Variants in PRKCE observed in about 807,000 individuals in gnomAD.
The protein encoded by PRKCE is protein kinase C epsilon, also known as protein kinase C epsilon type.
A neutral mutation model predicts 85.4 loss-of-function variants in PRKCE; 16 were observed. The ratio of observed to expected loss-of-function variants is 0.19; its 90% CI spans 0.13 to 0.28. The LOEUF (loss-of-function observed/expected upper bound fraction) is 0.28. Among genes scored for constraint, PRKCE ranks in the 10% least tolerant of loss-of-function variants. The pLI, the probability that PRKCE is intolerant of heterozygous loss-of-function variation, is 1.00. For missense variants in PRKCE, 573 were observed against 975.2 expected (o/e 0.59, Z 5.49); for synonymous variants, 388 against 371.5 (o/e 1.04, Z -0.51).
chr2:46,152,970 T>C (rs1267345058), intron 13 of PRKCE, among the ~76,000 whole-genome samples: 1 of 152,212 alleles, frequency 6.6e-6, no homozygotes, highest in South Asian at 2.1e-4. Flanking sequence ...CTGTAGTTTT[T>C]TTTTCCTCCT....
At chr2:45,709,356 A>C (rs1378621737) in intron 1 of PRKCE, among the ~76,000 whole-genome samples, 1 of 152,232 alleles carries the variant, frequency 6.6e-6, no homozygotes, top group Non-Finnish European at 1.5e-5. Flanking sequence ...GTGATGGAAG[A>C]TGCCCCAGTT....
chr2:45,818,063 G>A (rs1689227718), intron 1 of PRKCE, among the ~76,000 whole-genome samples: 1 of 152,200 alleles, frequency 6.6e-6, no homozygotes, highest in African/African-American at 2.4e-5. Flanking sequence ...TAGCACATTT[G>A]TGATTCTGTG....
At chr2:45,947,112 C>A (rs151300677) in intron 2 of PRKCE, among the ~76,000 whole-genome samples, 17 of 152,336 alleles carry the variant, frequency 1.1e-4, no homozygotes, top group African/African-American at 3.8e-4. Flanking sequence ...TGTGGTATAT[C>A]TGTGCAATCG....
chr2:45,738,524 G>A (rs556654169), intron 1 of PRKCE, among the ~76,000 whole-genome samples: 9 of 152,246 alleles, frequency 5.9e-5, no homozygotes, highest in Admixed American at 2.6e-4. Flanking sequence ...GCAACCAGAC[G>A]TGTTTTCTCT....
chr2:45,660,180 C>A (rs1471966208), intron 1 of PRKCE, among the ~76,000 whole-genome samples: 2 of 152,262 alleles, frequency 1.3e-5, no homozygotes, highest in East Asian at 3.9e-4. Context: ...GTAGTTCCTG[C>A]CTCTGAGGAG....
At chr2:45,879,207 A>G (rs551775575) in intron 2 of PRKCE, among the ~76,000 whole-genome samples, 80 of 152,234 alleles carry the variant, frequency 5.3e-4, no homozygotes, top group South Asian at 8.3e-4. Flanking sequence ...AGAGAGAAGC[A>G]GCTCGACTTC....
chr2:45,801,886 A>G (rs1687894173), intron 1 of PRKCE, among the ~76,000 whole-genome samples: 1 of 152,092 alleles, frequency 6.6e-6, no homozygotes, highest in African/African-American at 2.4e-5. Flanking sequence ...GCTGGGGTCA[A>G]TTTTGCACTT....
chr2:45,712,481 C>T (rs55784511), intron 1 of PRKCE, among the ~76,000 whole-genome samples: 21,159 of 152,100 alleles, frequency 0.14, 1,883 homozygotes, highest in South Asian at 0.2. Flanking sequence ...ACACCCAAAT[C>T]TGATCATGCT....
At chr2:45,990,093 C>A (rs947709706) in intron 6 of PRKCE, among the ~76,000 whole-genome samples, 1 of 152,202 alleles carries the variant, frequency 6.6e-6, no homozygotes, top group African/African-American at 2.4e-5. Context: ...CTCAGAGTTT[C>A]CGCTGGTCAG....
intron 10 of PRKCE, among the ~76,000 whole-genome samples, chr2:46,060,933 T>C (rs1406736399): frequency 6.6e-6 from 1 of 151,624 alleles, no homozygotes; most frequent in East Asian, 1.9e-4. Flanking sequence ...GGCTCATTTT[T>C]GTAATTTTAG....
At chr2:45,702,671 A>G (rs1427098241) in intron 1 of PRKCE, among the ~76,000 whole-genome samples, 1 of 152,190 alleles carries the variant, frequency 6.6e-6, no homozygotes, top group African/African-American at 2.4e-5. Flanking sequence ...TCACTATTAT[A>G]TAGTAGAACC....
At chr2:45,904,954 C>A (rs116938271) in intron 2 of PRKCE, among the ~76,000 whole-genome samples, 10 of 152,116 alleles carry the variant, frequency 6.6e-5, no homozygotes, top group South Asian at 2.1e-4. Context: ...AGGTCCCGGG[C>A]GTGGACCATG....
chr2:46,051,381 G>A (rs951018086), intron 10 of PRKCE, among the ~76,000 whole-genome samples: 4 of 152,192 alleles, frequency 2.6e-5, no homozygotes, highest in African/African-American at 9.7e-5. Context: ...GTGGGGAGCT[G>A]TGGGTAGGGC....
intron 2 of PRKCE, among the ~76,000 whole-genome samples, chr2:45,846,894 G>A (rs1691836622): frequency 6.6e-6 from 1 of 152,194 alleles, no homozygotes; most frequent in African/African-American, 2.4e-5. Flanking sequence ...ATATCATGAA[G>A]CCTTGGAGAC....
At chr2:45,951,065 G>A (rs1057511820) in intron 2 of PRKCE, among the ~76,000 whole-genome samples, 3 of 152,102 alleles carry the variant, frequency 2.0e-5, no homozygotes, top group African/African-American at 4.8e-5. Flanking sequence ...CTTAATGCTC[G>A]GTGCCCAAAC....
At chr2:45,783,146 G>A (rs1686326729) in intron 1 of PRKCE, among the ~76,000 whole-genome samples, 1 of 152,120 alleles carries the variant, frequency 6.6e-6, no homozygotes, top group Non-Finnish European at 1.5e-5. Flanking sequence ...GGGAAGGCTT[G>A]GGCTGTTTGT....
Position 46,010,372 on chromosome 2 carries a change from A to G in PRKCE, c.1292A>G (p.Asp431Gly). ...ATGTTGGCAGAACTCAAGGGCAAAGATGAAGTATATGCTGTGAAGGTCTTA... is the reference window on the plus strand; with the variant it reads ...ATGTTGGCAGAACTCAAGGGCAAAGGTGAAGTATATGCTGTGAAGGTCTTA... ...KVMLAELKGK[D>G]EVYAVKVLKK... The change falls in exon 10 of 15, where the codon GAT (aspartate) becomes GGT (glycine). Residue 431 changes from aspartate (D) to glycine (G), a missense_variant. By Grantham distance (94) the Asp-to-Gly change is moderately conservative. Coordinates refer to ENST00000306156, the MANE Select transcript of PRKCE (RefSeq NM_005400.3). 1 of 1,597,704 alleles carries G rather than the reference A, an allele frequency of 6.3e-7. No individual in the cohort carries two copies. The highest frequency in any genetic ancestry group is 8.5e-7 in the Non-Finnish European group (1 of 1,178,376).
chr2:45,804,622 G>T (rs1397365752), intron 1 of PRKCE, among the ~76,000 whole-genome samples: 1 of 152,210 alleles, frequency 6.6e-6, no homozygotes, highest in Non-Finnish European at 1.5e-5. Flanking sequence ...GAGTTGGCCA[G>T]CTCCTTGTAG....
At chr2:45,998,551 G>T (rs1704404847) in intron 6 of PRKCE, among the ~76,000 whole-genome samples, 1 of 151,974 alleles carries the variant, frequency 6.6e-6, no homozygotes, top group South Asian at 2.1e-4. Flanking sequence ...TCTTTAAGGT[G>T]GGTTTCTTGT....
Sources: allele counts gnomAD v4.1 joint callset (sites outside exome capture counted in the v4.1 genomes callset), GRCh38; gene constraint gnomAD v4.1.1; transcripts MANE v1.5; gene names NCBI Gene and HGNC (gene_info 2026-07-23, HGNC 2026-07-21).